Variants in RPS6KC1 observed in about 807,000 individuals in gnomAD.
The protein encoded by RPS6KC1 is inactive ribosomal protein S6 kinase delta-1.
RPS6KC1 carries 54 observed loss-of-function variants against 103.8 expected under a neutral mutation model. That is an observed-to-expected ratio of 0.52 (90% CI 0.42 to 0.65). The LOEUF (loss-of-function observed/expected upper bound fraction) is 0.65, where lower values mean the gene tolerates loss of function less well. Ranked by LOEUF, RPS6KC1 falls within the 30% of genes least tolerant of loss-of-function variation. The pLI is 0.00. For synonymous variants in RPS6KC1, 439 were observed against 438.7 expected (o/e 1.00, Z -0.01); for missense variants, 1,151 against 1,253.8 (o/e 0.92, Z 1.24).
chr1:213,479,551 C>G, the RPS6KC1 span, among the ~76,000 whole-genome samples: 2 of 151,888 alleles, frequency 1.3e-5, no homozygotes, highest in African/African-American at 4.8e-5. Context: ...TTCTATGGTG[C>G]TGTTTATTTT....
the RPS6KC1 span, among the ~76,000 whole-genome samples, chr1:213,362,621 G>T: frequency 6.6e-6 from 1 of 152,156 alleles, no homozygotes; most frequent in African/African-American, 2.4e-5. Context: ...CATATATATC[G>T]TTAAGTCCTG....
At chr1:213,772,740 C>A in the RPS6KC1 span, among the ~76,000 whole-genome samples, 1 of 152,124 alleles carries the variant, frequency 6.6e-6, no homozygotes, top group Non-Finnish European at 1.5e-5. Flanking sequence ...TCTGAACACC[C>A]CGGAGGCAGG....
At chr1:213,433,654 T>C in the RPS6KC1 span, among the ~76,000 whole-genome samples, 1 of 152,260 alleles carries the variant, frequency 6.6e-6, no homozygotes, top group Admixed American at 6.5e-5. Context: ...TCTGTGTTTT[T>C]GATGATAGCG....
chr1:213,667,467 T>A, the RPS6KC1 span, among the ~76,000 whole-genome samples: 1 of 152,214 alleles, frequency 6.6e-6, no homozygotes, highest in Admixed American at 6.5e-5. Flanking sequence ...CATACCTTAA[T>A]TAAAAATACT....
chr1:213,135,073 C>G (rs2086121854), intron 6 of RPS6KC1, among the ~76,000 whole-genome samples: 1 of 152,030 alleles, frequency 6.6e-6, no homozygotes, highest in South Asian at 2.1e-4. Context: ...TCATAGACGC[C>G]CTTTATCATG....
chr1:213,624,003 G>A, the RPS6KC1 span, among the ~76,000 whole-genome samples: 1 of 152,244 alleles, frequency 6.6e-6, no homozygotes, highest in Non-Finnish European at 1.5e-5. Context: ...AGCATTGTGT[G>A]TGGAGGGGCA....
the RPS6KC1 span, among the ~76,000 whole-genome samples, chr1:213,447,508 T>G: frequency 6.6e-6 from 1 of 152,236 alleles, no homozygotes; most frequent in Admixed American, 6.5e-5. Flanking sequence ...GCGGACATTT[T>G]ACATGATTTT....
the RPS6KC1 span, among the ~76,000 whole-genome samples, chr1:213,791,481 G>T: frequency 1.3e-5 from 2 of 152,068 alleles, no homozygotes; most frequent in African/African-American, 4.8e-5. Context: ...TTTCTAAACA[G>T]CCATTAGTCT....
chr1:213,072,620 C>T (rs1005973805), intron 2 of RPS6KC1, among the ~76,000 whole-genome samples: 1 of 151,176 alleles, frequency 6.6e-6, no homozygotes, highest in Non-Finnish European at 1.5e-5. Flanking sequence ...TACCAGGAAA[C>T]AGAAAGAATA....
intron 6 of RPS6KC1, among the ~76,000 whole-genome samples, chr1:213,164,720 G>A (rs897020483): frequency 2.6e-5 from 4 of 152,002 alleles, no homozygotes; most frequent in Admixed American, 1.3e-4. Flanking sequence ...GCACCAACAC[G>A]CCTGGCTGAC....
the RPS6KC1 span, among the ~76,000 whole-genome samples, chr1:213,551,270 G>A: frequency 6.6e-6 from 1 of 152,144 alleles, no homozygotes; most frequent in East Asian, 1.9e-4. Context: ...TGATTTAAAA[G>A]CTCTGGCAAG....
the RPS6KC1 span, among the ~76,000 whole-genome samples, chr1:213,363,751 CTT>C: frequency 0.063 from 3,678 of 58,062 alleles, 437 homozygotes; most frequent in Middle Eastern, 0.18. Flanking sequence ...TCTTCTTTCT[CTT>C]TCTCTCTTCT....
chr1:213,614,801 G>C, the RPS6KC1 span, among the ~76,000 whole-genome samples: 3 of 152,208 alleles, frequency 2.0e-5, no homozygotes, highest in Non-Finnish European at 4.4e-5. Context: ...TCAGCCTGTG[G>C]AAGAGGAGCT....
chr1:213,724,803 A>T, the RPS6KC1 span, among the ~76,000 whole-genome samples: 7 of 152,370 alleles, frequency 4.6e-5, no homozygotes, highest in East Asian at 1.3e-3. Context: ...ACAAGTACTT[A>T]CATTTGTTGC....
the RPS6KC1 span, among the ~76,000 whole-genome samples, chr1:213,592,486 T>C: frequency 6.6e-6 from 1 of 152,222 alleles, no homozygotes; most frequent in Non-Finnish European, 1.5e-5. Context: ...CAACAATGAC[T>C]GGAGCTGAGT....
intron 8 of RPS6KC1, among the ~76,000 whole-genome samples, chr1:213,178,186 A>AAAATAAATAAATAAAT (rs35813252): frequency 3.1e-5 from 4 of 128,312 alleles, no homozygotes; most frequent in African/African-American, 9.0e-5. Flanking sequence ...ACTCTGTCTC[A>AAAATAAATAAATAAAT]AAATAAATAA....
chr1:213,673,581 A>T, the RPS6KC1 span, among the ~76,000 whole-genome samples: 2 of 152,210 alleles, frequency 1.3e-5, no homozygotes, highest in African/African-American at 4.8e-5. Flanking sequence ...CACTATCTAT[A>T]GAAATTCTGA....
chr1:213,277,939 C>T (rs530466520), downstream of RPS6KC1, among the ~76,000 whole-genome samples: 2 of 152,308 alleles, frequency 1.3e-5, no homozygotes, highest in South Asian at 4.1e-4. Context: ...TGCAGTGGCT[C>T]ACGCCTGTAA....
chr1:213,606,743 C>T, the RPS6KC1 span, among the ~76,000 whole-genome samples: 5 of 152,298 alleles, frequency 3.3e-5, no homozygotes, highest in African/African-American at 1.2e-4. Flanking sequence ...CCCAAACTGT[C>T]AGAGGCATGT....
Sources: allele counts gnomAD v4.1 joint callset (sites outside exome capture counted in the v4.1 genomes callset), GRCh38; gene constraint gnomAD v4.1.1; transcripts MANE v1.5; gene names NCBI Gene and HGNC (gene_info 2026-07-23, HGNC 2026-07-21).